The following PSPC1 variants were observed in gnomAD, a reference collection of about 807,000 sequenced individuals.
PSPC1 encodes paraspeckle protein 1.
PSPC1 carries 14 observed loss-of-function variants against 51.6 expected under a neutral mutation model. The observed-to-expected ratio is 0.27, with a 90% CI of 0.18 to 0.42. The LOEUF is 0.42. Among genes scored for constraint, PSPC1 ranks in the 10% least tolerant of loss-of-function variants. The pLI, the probability that PSPC1 is intolerant of heterozygous loss-of-function variation, is 1.00. For synonymous variants in PSPC1, 193 were observed against 231.9 expected (o/e 0.83, Z 1.53); for missense variants, 406 against 701.1 (o/e 0.58, Z 4.75).
downstream of PSPC1, chr13:19,674,650 G>A (rs914579543): frequency 1.3e-5 from 2 of 152,252 alleles, no homozygotes; most frequent in African/African-American, 4.8e-5. Context: ...TGGATGCCCA[G>A]AATGAAAACA....
In PSPC1 at chr13:19,741,666, G is replaced by A. The variant is rs781268746; in HGVS notation, c.968-17C>T. On this transcript the variant is annotated splice_polypyrimidine_tract_variant and intron_variant, in intron 4 of 8. Transcript: ENST00000338910. Reference sequence around the variant, plus strand: ...TCATTAGATCTATAAAATAATGACTGCACATTAATATTTTTAGTTTCCCTT... The same window carrying A: ...TCATTAGATCTATAAAATAATGACTACACATTAATATTTTTAGTTTCCCTT... 2 of 1,485,908 alleles carry A rather than the reference G, an allele frequency of 1.3e-6. No homozygotes were observed. Among genetic ancestry groups the A allele is most frequent in the African/African-American group, 1.4e-5 (1 of 70,722 alleles). The allele number at this position is 1,485,908 out of a possible 1,614,324, so 92.0% of individuals were successfully genotyped here. A position where few individuals can be genotyped will look rare whatever the true frequency, so the allele number is the denominator to read the frequency against.
intron 6 of PSPC1, among the ~76,000 whole-genome samples, chr13:19,685,470 A>G (rs1402457622): frequency 6.6e-6 from 1 of 152,236 alleles, no homozygotes; most frequent in Non-Finnish European, 1.5e-5. Context: ...CACTAATTCA[A>G]CAAAAGCACA....
rs527254781 is a variant in PSPC1 at position 19,756,406 on chromosome 13, T to C, written c.770+2917A>G. Among the ~76,000 whole-genome samples, 740 of 152,202 alleles carry C rather than the reference T, an allele frequency of 4.9e-3. 8 individuals carry two copies. Among genetic ancestry groups the C allele is most frequent in the African/African-American group, 0.017 (718 of 41,546 alleles). On this transcript the variant is annotated intron_variant, in intron 3 of 8. Coordinates refer to ENST00000338910, the MANE Select transcript of PSPC1 (RefSeq NM_001354909.2). ...TGGATACTCTCCACCGTTAACATAT[T>C]TTGGTGAGCCAGCCAGGAGGAAGAG...
At chr13:19,684,782 G>C (rs1877670048) in intron 6 of PSPC1, among the ~76,000 whole-genome samples, 1 of 152,180 alleles carries the variant, frequency 6.6e-6, no homozygotes, top group Non-Finnish European at 1.5e-5. Flanking sequence ...ACCTCAGTCA[G>C]GATCCTTTCT....
Position 19,782,556 on chromosome 13 carries a change from T to G in PSPC1, c.202A>C (p.Lys68Gln). ...DEEMGFTIDI[K>Q]SFLKPGEKTY... Reference sequence around the variant, plus strand: ...TTCTCGCCCGGCTTGAGGAAACTCTTGATGTCGATAGTGAACCCCATCTCC... The same window carrying G: ...TTCTCGCCCGGCTTGAGGAAACTCTGGATGTCGATAGTGAACCCCATCTCC... Residue 68 changes from lysine to glutamine, a missense_variant, in exon 1 of 9, where the codon AAG becomes CAG. Lys to Gln is a moderately conservative substitution (Grantham distance 53). Coordinates refer to ENST00000338910, the MANE Select transcript of PSPC1 (RefSeq NM_001354909.2). This position sits in a 1 kb window ranked among gnomAD's most constrained non-coding sequence, Gnocchi z 4.5. The G allele has an allele frequency of 6.2e-7, 1 of 1,611,912 alleles. No homozygotes were observed. Among genetic ancestry groups the G allele is most frequent in the Non-Finnish European group, 8.5e-7 (1 of 1,179,130 alleles).
intron 6 of PSPC1, among the ~76,000 whole-genome samples, chr13:19,721,369 T>G (rs1466147218): frequency 6.6e-6 from 1 of 152,182 alleles, no homozygotes; most frequent in Non-Finnish European, 1.5e-5. Flanking sequence ...CGGTCTTGAC[T>G]CTCCTCTTCT....
intron 2 of PSPC1, among the ~76,000 whole-genome samples, chr13:19,769,793 G>A (rs9579679): frequency 0.081 from 12,296 of 152,154 alleles, 524 homozygotes; most frequent in Middle Eastern, 0.13. Flanking sequence ...AAAACACCAA[G>A]TGTGGGTAAA....
intron 2 of PSPC1, among the ~76,000 whole-genome samples, chr13:19,765,150 C>A (rs1319299480): frequency 6.6e-6 from 1 of 151,112 alleles, no homozygotes; most frequent in Admixed American, 6.6e-5. Flanking sequence ...ATGGTGAAAC[C>A]CTGTCTCCAG....
intron 5 of PSPC1, among the ~76,000 whole-genome samples, chr13:19,737,751 A>G (rs1238984209): frequency 1.3e-5 from 2 of 152,138 alleles, no homozygotes; most frequent in Non-Finnish European, 2.9e-5. Flanking sequence ...GTTCATTGTT[A>G]CTGAAGCTTC....
intron 6 of PSPC1, among the ~76,000 whole-genome samples, chr13:19,723,570 G>C (rs1015719271): frequency 3.3e-5 from 5 of 152,250 alleles, no homozygotes; most frequent in African/African-American, 9.6e-5. Flanking sequence ...CACATCATTA[G>C]ATATTATTGA....
chr13:19,744,186 A>T (rs2138061635), intron 4 of PSPC1, among the ~76,000 whole-genome samples: 1 of 152,192 alleles, frequency 6.6e-6, no homozygotes, highest in African/African-American at 2.4e-5. Context: ...CCCAGGCTGG[A>T]GTAGAGTGGC....
intron 4 of PSPC1, among the ~76,000 whole-genome samples, chr13:19,746,866 T>C (rs898428736): frequency 6.6e-6 from 1 of 152,168 alleles, no homozygotes; most frequent in African/African-American, 2.4e-5. Context: ...CCCCAACACC[T>C]TGGGAGGCTG....
rs144420720 is a variant in PSPC1, at chr13:19,772,231, T to C, written c.674+11A>G. On this transcript the variant is annotated intron_variant, in intron 2 of 8. Coordinates refer to ENST00000338910, the MANE Select transcript of PSPC1 (RefSeq NM_001354909.2). Reference sequence around the variant, plus strand: ...ACTGGATAGAAGAAGGACAAGATATTTAAAACTTACGTTGTTAGCAAGAAT... The same window carrying C: ...ACTGGATAGAAGAAGGACAAGATATCTAAAACTTACGTTGTTAGCAAGAAT... The C allele has an allele frequency of 6.2e-7, 1 of 1,608,566 alleles. No homozygotes were observed. The highest frequency in any genetic ancestry group is 1.1e-5 in the South Asian group (1 of 90,476).
At chr13:19,698,882 ACTT>A (rs1374904799), downstream of PSPC1, among the ~76,000 whole-genome samples, 8 of 152,010 alleles carry the variant, frequency 5.3e-5, no homozygotes, top group African/African-American at 1.4e-4. Context: ...GAAATAACAG[ACTT>A]CTGTTATTCA....
chr13:19,769,692 G>A (rs978410601), intron 2 of PSPC1, among the ~76,000 whole-genome samples: 18 of 151,942 alleles, frequency 1.2e-4, no homozygotes, highest in Admixed American at 4.6e-4. Context: ...CTGAGATCGC[G>A]CCATTGCACT....
intron 1 of PSPC1, among the ~76,000 whole-genome samples, chr13:19,780,911 C>T (rs1889886761): frequency 6.6e-6 from 1 of 152,138 alleles, no homozygotes. Context: ...AATCCCAGCA[C>T]TTTGGGAGGC....
At chr13:19,774,275 G>A (rs1422478813) in intron 1 of PSPC1, among the ~76,000 whole-genome samples, 1 of 152,152 alleles carries the variant, frequency 6.6e-6, no homozygotes, top group Non-Finnish European at 1.5e-5. Flanking sequence ...GACAACTGAA[G>A]AGGCTTTATA....
chr13:19,711,639 T>TAAAAAA (rs143917566), intron 6 of PSPC1, among the ~76,000 whole-genome samples: 3 of 80,904 alleles, frequency 3.7e-5, no homozygotes, highest in African/African-American at 5.6e-5. Flanking sequence ...CTCCGTCTCA[T>TAAAAAA]AAAAAAAAAA....
intron 2 of PSPC1, among the ~76,000 whole-genome samples, chr13:19,769,987 T>C (rs1416528115): frequency 6.6e-6 from 1 of 152,206 alleles, no homozygotes; most frequent in Non-Finnish European, 1.5e-5. Flanking sequence ...ATACTCATAG[T>C]AGCTTTATTC....
Sources: gnomAD v4.1 joint callset for allele counts (sites outside exome capture counted in the v4.1 genomes callset) on GRCh38, gnomAD v4.1.1 for gene constraint, Gnocchi (gnomAD v3.1) non-coding constraint, MANE v1.5 for transcripts, NCBI Gene and HGNC (gene_info 2026-07-23, HGNC 2026-07-21) for gene names.